The following ARID1B variants were observed in gnomAD, a reference collection of about 807,000 sequenced individuals.
ARID1B encodes the protein AT-rich interaction domain 1B.
Under a neutral mutation model 212.3 loss-of-function variants are expected in ARID1B, and 30 were observed. That is an observed-to-expected ratio of 0.14 (90% CI 0.11 to 0.19). The LOEUF (loss-of-function observed/expected upper bound fraction) is 0.19. Ranked by LOEUF, ARID1B falls within the 10% of genes least tolerant of loss-of-function variation. The probability of loss-of-function intolerance (pLI) is 1.00; values close to 1 mark genes in which losing one functional copy is unlikely to be tolerated. For missense variants in ARID1B, 2,891 were observed against 3,204.0 expected, an observed-to-expected ratio of 0.90 and a Z score of 2.36; for synonymous variants, 1,402 against 1,301.7, an observed-to-expected ratio of 1.08 and a Z score of -1.66.
chr6:157,104,689 C>G (rs569333410), intron 5 of ARID1B, among the ~76,000 whole-genome samples: 2 of 152,296 alleles, frequency 1.3e-5, no homozygotes, highest in African/African-American at 4.8e-5. Context: ...ATAAACTTAA[C>G]ATAAAATATA....
At chr6:157,181,877 C>T (rs754931540) in intron 12 of ARID1B, among the ~76,000 whole-genome samples, 2 of 152,216 alleles carry the variant, frequency 1.3e-5, no homozygotes, top group Non-Finnish European at 2.9e-5. Flanking sequence ...AAAAGGTACT[C>T]ACTGTGTAAC....
rs780126064 is a variant in ARID1B, at chr6:156,778,911, G to A, written c.1231G>A (p.Gly411Arg). The change falls in exon 1 of 20, where the codon GGA (glycine) becomes AGA (arginine). Residue 411 changes from glycine to arginine, a missense_variant. Gly to Arg is a moderately radical substitution (Grantham distance 125, BLOSUM62 -2). This residue lies in a region of ARID1B where 1,643 missense variants were observed against 1,544.0 expected (regional missense o/e 1.06). Coordinates refer to ENST00000636930, the MANE Select transcript of ARID1B (RefSeq NM_001374828.1). ...CAGCGGAGGAGGAGGAGGAGGAGGAGGAGCAGGAGCAGGAGGAGCAGGAGC... is the reference window on the plus strand; with the variant it reads ...CAGCGGAGGAGGAGGAGGAGGAGGAAGAGCAGGAGCAGGAGGAGCAGGAGC... ...GGSGGGGGGG[G>R]AGAGGAGAGA... The A allele has an allele frequency of 7.4e-7, 1 of 1,344,738 alleles. No individual in the cohort carries two copies. Among genetic ancestry groups the A allele is most frequent in the South Asian group, 2.0e-5 (1 of 49,716 alleles). 83.3% of individuals were successfully genotyped at this position (1,344,738 alleles called of 1,614,324 possible).
At chr6:157,096,770 C>A (rs1459827773) in intron 5 of ARID1B, among the ~76,000 whole-genome samples, 1 of 152,204 alleles carries the variant, frequency 6.6e-6, no homozygotes. Context: ...GGTCTGCTCT[C>A]CCCCCAGCAA....
chr6:157,133,276 C>T, intron 7 of ARID1B, 69 bp downstream of exon 7: 1 of 1,442,630 alleles, frequency 6.9e-7, no homozygotes, highest in South Asian at 1.5e-5. Context: ...GCTAGTCCTT[C>T]AAGATTTTAA....
intron 2 of ARID1B, among the ~76,000 whole-genome samples, chr6:156,874,284 C>G (rs879901622): frequency 6.6e-5 from 10 of 152,270 alleles, no homozygotes; most frequent in Middle Eastern, 3.4e-3. Flanking sequence ...AGGCTGCTGT[C>G]AAACTCCTGG....
intron 1 of ARID1B, among the ~76,000 whole-genome samples, chr6:156,816,606 A>T (rs879466872): frequency 6.6e-6 from 1 of 152,216 alleles, no homozygotes; most frequent in Non-Finnish European, 1.5e-5. Context: ...AGCCTTGTGA[A>T]GGCAGGCTGC....
intron 11 of ARID1B, among the ~76,000 whole-genome samples, chr6:157,177,285 G>T (rs1465193858): frequency 1.3e-5 from 2 of 152,184 alleles, no homozygotes; most frequent in African/African-American, 4.8e-5. Context: ...CCACTTTTTT[G>T]AATGAGATGC....
Position 157,210,014 on chromosome 6 carries a change from TCA to T in ARID1B, c.*2126_*2127del, listed in dbSNP as rs1448182003. On this transcript the variant is annotated 3_prime_UTR_variant, in exon 20 of 20. Coordinates refer to ENST00000636930, the MANE Select transcript of ARID1B (RefSeq NM_001374828.1). ...CATACATTGTGTCGGTTCACATTAC[TCA>T]CAGTAATATATGGAAGAGTTAGACA... is the stretch of plus-strand genomic sequence containing the variant. The T allele has an allele frequency of 4.3e-5, 10 of 233,040 alleles. No homozygotes were observed. The highest frequency in any genetic ancestry group is 2.0e-4 in the African/African-American group (9 of 45,328). 14.4% of individuals were successfully genotyped at this position (233,040 alleles called of 1,614,324 possible).
At chr6:156,784,195 G>C (rs1779476726) in intron 1 of ARID1B, among the ~76,000 whole-genome samples, 1 of 151,950 alleles carries the variant, frequency 6.6e-6, no homozygotes, top group Non-Finnish European at 1.5e-5. Context: ...TGAATGGGAG[G>C]GAGGTTTTTG....
At chr6:156,940,692 T>C (rs1057197394) in intron 4 of ARID1B, 1 of 152,234 alleles carries the variant, frequency 6.6e-6, no homozygotes, top group African/African-American at 2.4e-5. Context: ...TTACGTTGGT[T>C]AGTGGCAAAA....
At chr6:157,058,260 C>A (rs1007940554) in intron 4 of ARID1B, among the ~76,000 whole-genome samples, 3 of 149,998 alleles carry the variant, frequency 2.0e-5, no homozygotes, top group African/African-American at 7.5e-5. Flanking sequence ...ACTACTTTAT[C>A]TTGGTCTTTT....
At chr6:156,992,576 A>ACTAG (rs1278207151) in intron 4 of ARID1B, among the ~76,000 whole-genome samples, 1 of 152,196 alleles carries the variant, frequency 6.6e-6, no homozygotes, top group African/African-American at 2.4e-5. Flanking sequence ...GAGGGGACAG[A>ACTAG]CGGCTAGCAC....
intron 4 of ARID1B, among the ~76,000 whole-genome samples, chr6:157,031,536 C>G (rs184189450): frequency 6.6e-6 from 1 of 152,298 alleles, no homozygotes; most frequent in Admixed American, 6.5e-5. Context: ...TTGGGCAGAA[C>G]AGCTCACTTG....
intron 1 of ARID1B, 127 bp downstream of exon 1, chr6:156,779,598 A>C: frequency 9.9e-7 from 1 of 1,014,806 alleles, no homozygotes; most frequent in Non-Finnish European, 1.2e-6. Flanking sequence ...CGGCGCCCAA[A>C]GCCATCTTGA....
intron 1 of ARID1B, chr6:156,780,322 G>A (rs1334410900): frequency 6.6e-6 from 1 of 152,172 alleles, no homozygotes; most frequent in Non-Finnish European, 1.5e-5. Context: ...GCAGACCAGT[G>A]AAAATTGATC....
intron 6 of ARID1B, 33 bp downstream of exon 6, chr6:157,110,594 A>G (rs752460543): frequency 3.1e-6 from 5 of 1,602,144 alleles, no homozygotes; most frequent in Non-Finnish European, 4.3e-6. Flanking sequence ...ACATGCCTAT[A>G]GTGCTTTCAG....
intron 3 of ARID1B, among the ~76,000 whole-genome samples, chr6:156,909,815 T>G (rs1789721107): frequency 6.6e-6 from 1 of 152,218 alleles, no homozygotes; most frequent in South Asian, 2.1e-4. Flanking sequence ...GTTCCCAACA[T>G]CTTAGGCCTG....
chr6:156,945,097 GTA>G lies in ARID1B; in HGVS notation c.2247+9525_2247+9526del, dbSNP rs201723409. Among the ~76,000 whole-genome samples, 642 of 100,160 alleles carry G rather than the reference GTA, an allele frequency of 6.4e-3. 16 individuals are homozygous for G. The highest frequency in any genetic ancestry group is 0.018 in the African/African-American group (492 of 27,466). 65.7% of individuals were successfully genotyped at this position (100,160 alleles called of 152,430 possible). A position where few individuals can be genotyped will look rare whatever the true frequency, so the allele number is the denominator to read the frequency against. On this transcript the variant is annotated intron_variant, in intron 4 of 19. Transcript: ENST00000636930. ...GCCACCAAGTCGGGCTAATTTTTTT[GTA>G]TATTTTTTTTTTTTTTTAGTAGAGA... is the stretch of plus-strand genomic sequence containing the variant.
chr6:157,040,539 T>G (rs912941395), intron 4 of ARID1B, among the ~76,000 whole-genome samples: 5 of 152,232 alleles, frequency 3.3e-5, no homozygotes, highest in African/African-American at 1.2e-4. Context: ...TTAAGCGAAA[T>G]TAAATTTACA....
Sources: gnomAD v4.1 joint callset for allele counts (sites outside exome capture counted in the v4.1 genomes callset) on GRCh38, gnomAD v4.1.1 for gene constraint, gnomAD v4.1.1 regional missense constraint, MANE v1.5 for transcripts, NCBI Gene and HGNC (gene_info 2026-07-23, HGNC 2026-07-21) for gene names.